RERE: variants seen among roughly 807,000 people sequenced by gnomAD.
RERE encodes arginine-glutamic acid dipeptide repeats protein.
Under a neutral mutation model 146.1 loss-of-function variants are expected in RERE, and 40 were observed. The observed-to-expected ratio is 0.27, with a 90% CI of 0.21 to 0.36. The LOEUF is 0.36. RERE is among the 10% of genes least tolerant of loss of function. RERE has a pLI of 1.00. For synonymous variants in RERE, 1,003 were observed against 866.0 expected (o/e 1.16, Z -2.78); for missense variants, 1,933 against 2,138.7 (o/e 0.90, Z 1.90).
At chr1:8,797,549 C>G (rs1450950524) in intron 1 of RERE, among the ~76,000 whole-genome samples, 2 of 152,186 alleles carry the variant, frequency 1.3e-5, no homozygotes, top group East Asian at 3.8e-4. Flanking sequence ...GCAGTTGAAT[C>G]ACCCACCTAA....
rs537271315 is a variant in RERE at position 8,669,752 on chromosome 1, A to G, written c.-144-13311T>C. Among the ~76,000 whole-genome samples the G allele has an allele frequency of 2.6e-5, 4 of 152,354 alleles. No individual in the cohort carries two copies. The East Asian group carries it at 7.7e-4, about 29-fold the overall frequency. On this transcript the variant is annotated intron_variant, in intron 1 of 22. Transcript: ENST00000400908. ...CTTACTATCTCTGTATAGCATGTTC[A>G]AAAGTAGATTAAGTTGGACAGGGTT...
intron 6 of RERE, among the ~76,000 whole-genome samples, chr1:8,554,804 A>G (rs557979492): frequency 6.6e-6 from 1 of 151,966 alleles, no homozygotes; most frequent in Non-Finnish European, 1.5e-5. Context: ...CACCGGTCCC[A>G]GCTAACAATA....
At chr1:8,413,441 C>T (rs951071095) in intron 12 of RERE, among the ~76,000 whole-genome samples, 2 of 152,146 alleles carry the variant, frequency 1.3e-5, no homozygotes, top group African/African-American at 4.8e-5. Flanking sequence ...CTCCTGGGCT[C>T]AAGTGATCCT....
chr1:8,719,586 T>C (rs983868059), intron 1 of RERE, among the ~76,000 whole-genome samples: 2 of 152,140 alleles, frequency 1.3e-5, no homozygotes, highest in East Asian at 3.9e-4. Flanking sequence ...TGACAGAGAT[T>C]TGCCCTCTGC....
chr1:8,536,810 G>A (rs1306800505), intron 7 of RERE, among the ~76,000 whole-genome samples: 2 of 152,146 alleles, frequency 1.3e-5, no homozygotes, highest in Non-Finnish European at 2.9e-5. Flanking sequence ...TCAAAGTCAG[G>A]TCAACATTAG....
chr1:8,757,931 T>C (rs373237313), intron 1 of RERE, among the ~76,000 whole-genome samples: 5 of 28,306 alleles, frequency 1.8e-4, no homozygotes, highest in Non-Finnish European at 2.1e-4. Flanking sequence ...CACACACACA[T>C]ATATATGCAA....
At chr1:8,443,797 G>C (rs941459961) in intron 11 of RERE, among the ~76,000 whole-genome samples, 7 of 152,228 alleles carry the variant, frequency 4.6e-5, no homozygotes, top group Non-Finnish European at 1.0e-4. Context: ...TGCTTCAGAG[G>C]GTACAAGCCA....
At chr1:8,393,717 G>A (rs551460575) in intron 12 of RERE, among the ~76,000 whole-genome samples, 1 of 152,092 alleles carries the variant, frequency 6.6e-6, no homozygotes, top group East Asian at 1.9e-4. Context: ...GATGCATCCA[G>A]AACTGGGCAA....
intron 7 of RERE, among the ~76,000 whole-genome samples, chr1:8,535,239 T>G (rs181337321): frequency 6.6e-6 from 1 of 152,208 alleles, no homozygotes; most frequent in Non-Finnish European, 1.5e-5. Context: ...AAGAAGCAAC[T>G]GAAAAACTGT....
intron 4 of RERE, among the ~76,000 whole-genome samples, chr1:8,575,342 C>A (rs577071433): frequency 1.3e-5 from 2 of 150,794 alleles, no homozygotes; most frequent in South Asian, 4.2e-4. Flanking sequence ...GGGCACCTTT[C>A]CATAAAATAT....
At chr1:8,672,595 C>T (rs1638742905) in intron 1 of RERE, among the ~76,000 whole-genome samples, 1 of 152,224 alleles carries the variant, frequency 6.6e-6, no homozygotes, top group Non-Finnish European at 1.5e-5. Flanking sequence ...TGTGCAAACA[C>T]ATTTCTTCAC....
chr1:8,477,299 G>T lies in RERE; in HGVS notation c.1105-11276C>A, dbSNP rs535194880. ...AATCTACTAAGAAGACTCAGCTTGAGGACCCACAATGAGTCTAACTCTGGC... is the reference window on the plus strand; with the variant it reads ...AATCTACTAAGAAGACTCAGCTTGATGACCCACAATGAGTCTAACTCTGGC... On this transcript the variant is annotated intron_variant, in intron 10 of 22. Coordinates refer to ENST00000400908, the MANE Select transcript of RERE (RefSeq NM_001042681.2). Among the ~76,000 whole-genome samples, 5 of 152,302 alleles carry T rather than the reference G, an allele frequency of 3.3e-5. No homozygotes were observed. The South Asian group carries it at 1.0e-3, about 32-fold the overall frequency.
chr1:8,415,952 T>C (rs1310911307), intron 12 of RERE, among the ~76,000 whole-genome samples: 1 of 152,218 alleles, frequency 6.6e-6, no homozygotes, highest in Non-Finnish European at 1.5e-5. Flanking sequence ...AGAAAAACAG[T>C]ATGGCACATA....
rs779800231 is a variant in RERE, at chr1:8,356,065, C to T, written c.4486+35G>A. The stretch of plus-strand genomic sequence containing the variant: ...ACCAGACCCCAACCCAACCCTCACA[C>T]GGCCTCCCCGCCCCTCCTGGAGGGG... On this transcript the variant is annotated intron_variant, in intron 21 of 22. Coordinates refer to ENST00000400908, the MANE Select transcript of RERE (RefSeq NM_001042681.2). The surrounding 1 kb of genome is among the most constrained non-coding windows in gnomAD (Gnocchi z 5.2). The T allele has an allele frequency of 8.2e-6, 12 of 1,462,162 alleles. No individual in the cohort carries two copies. Among genetic ancestry groups the T allele is most frequent in the East Asian group, 5.4e-5 (2 of 36,754 alleles). The allele number at this position is 1,462,162 out of a possible 1,614,324, so 90.6% of individuals were successfully genotyped here.
intron 1 of RERE, among the ~76,000 whole-genome samples, chr1:8,688,319 A>G (rs570637580): frequency 2.6e-5 from 4 of 152,198 alleles, no homozygotes; most frequent in Admixed American, 2.6e-4. Context: ...TAATCCCAAC[A>G]CTTTGGGAGG....
At chr1:8,415,606 G>A (rs1474568485) in intron 12 of RERE, among the ~76,000 whole-genome samples, 1 of 152,166 alleles carries the variant, frequency 6.6e-6, no homozygotes, top group African/African-American at 2.4e-5. Context: ...GGTTTAAAAA[G>A]TCACCCAATT....
At chr1:8,712,366 G>A (rs1313915149) in intron 1 of RERE, among the ~76,000 whole-genome samples, 1 of 152,156 alleles carries the variant, frequency 6.6e-6, no homozygotes, top group Non-Finnish European at 1.5e-5. Flanking sequence ...AACTTCTAAC[G>A]TTTACATCAT....
At chr1:8,451,287 T>C (rs1644387602) in intron 11 of RERE, among the ~76,000 whole-genome samples, 2 of 152,172 alleles carry the variant, frequency 1.3e-5, no homozygotes, top group South Asian at 4.1e-4. Flanking sequence ...AAAAATTAGC[T>C]GGGGTGTGGT....
At chr1:8,726,062 T>G (rs1014854594) in intron 1 of RERE, among the ~76,000 whole-genome samples, 3 of 151,868 alleles carry the variant, frequency 2.0e-5, no homozygotes, top group Non-Finnish European at 2.9e-5. Context: ...TTCCTTTCAC[T>G]TAATGCTCCA....
Sources: gnomAD v4.1 joint callset for allele counts (sites outside exome capture counted in the v4.1 genomes callset) on GRCh38, gnomAD v4.1.1 for gene constraint, Gnocchi (gnomAD v3.1) non-coding constraint, MANE v1.5 for transcripts, NCBI Gene and HGNC (gene_info 2026-07-23, HGNC 2026-07-21) for gene names.